SDK1: variants seen among roughly 807,000 people sequenced by gnomAD.
SDK1 encodes sidekick cell adhesion molecule 1, also known as protein sidekick-1.
SDK1 carries 157 observed loss-of-function variants against 245.5 expected under a neutral mutation model. The observed-to-expected ratio is 0.64, with a 90% CI of 0.56 to 0.73. The LOEUF is 0.73. SDK1 is among the 30% of genes least tolerant of loss of function. SDK1 has a pLI of 0.00. For synonymous variants in SDK1, 1,647 were observed against 1,278.5 expected (o/e 1.29, Z -6.15); for missense variants, 3,583 against 3,002.3 (o/e 1.19, Z -4.52).
chr7:3,807,059 A>T (rs911577120), intron 4 of SDK1, among the ~76,000 whole-genome samples: 1 of 152,148 alleles, frequency 6.6e-6, no homozygotes, highest in African/African-American at 2.4e-5. Context: ...TTTTAGATAT[A>T]TCCTAATGTT....
At chr7:4,107,041 G>A (rs1226636209) in intron 22 of SDK1, among the ~76,000 whole-genome samples, 2 of 151,148 alleles carry the variant, frequency 1.3e-5, no homozygotes, top group East Asian at 3.9e-4. Flanking sequence ...TCTAGGCAGA[G>A]CCCCCGCCCA....
At chr7:3,996,723 A>T (rs1334875532) in intron 14 of SDK1, among the ~76,000 whole-genome samples, 2 of 152,202 alleles carry the variant, frequency 1.3e-5, no homozygotes, top group African/African-American at 4.8e-5. Flanking sequence ...TTCTTTTATT[A>T]TTCTAACGAC....
At chr7:4,177,728 C>T (rs1782301912) in intron 34 of SDK1, among the ~76,000 whole-genome samples, 1 of 152,174 alleles carries the variant, frequency 6.6e-6, no homozygotes, top group Non-Finnish European at 1.5e-5. Flanking sequence ...GATTCAAGTG[C>T]ATCCCATTTA....
At chr7:3,946,704 G>A (rs1461559748) in intron 5 of SDK1, among the ~76,000 whole-genome samples, 1 of 152,174 alleles carries the variant, frequency 6.6e-6, no homozygotes, top group African/African-American at 2.4e-5. Flanking sequence ...GAGGACATAT[G>A]CCAAGAATAA....
chr7:4,065,925 A>G (rs574658701), intron 19 of SDK1, among the ~76,000 whole-genome samples: 2 of 151,778 alleles, frequency 1.3e-5, no homozygotes, highest in Non-Finnish European at 2.9e-5. Context: ...GACAACTGAC[A>G]CCCTTGACTT....
At chr7:3,354,849 A>G (rs1274352957) in intron 1 of SDK1, among the ~76,000 whole-genome samples, 2 of 152,230 alleles carry the variant, frequency 1.3e-5, no homozygotes, top group Non-Finnish European at 2.9e-5. Context: ...CAAGGAAACG[A>G]TTGGACTTAA....
At chr7:3,613,782 A>G (rs1041889393) in intron 1 of SDK1, among the ~76,000 whole-genome samples, 3 of 152,064 alleles carry the variant, frequency 2.0e-5, no homozygotes, top group Non-Finnish European at 4.4e-5. Context: ...ACACCATGGA[A>G]TACTACGCAG....
chr7:3,735,122 C>T (rs1583355430), intron 4 of SDK1, among the ~76,000 whole-genome samples: 1 of 151,928 alleles, frequency 6.6e-6, no homozygotes, highest in African/African-American at 2.4e-5. Flanking sequence ...ATTGCTTTTA[C>T]TACATAGCAG....
chr7:4,261,169 C>T (rs1032061905), intron 44 of SDK1, among the ~76,000 whole-genome samples: 2 of 152,172 alleles, frequency 1.3e-5, no homozygotes, highest in African/African-American at 4.8e-5. Context: ...ACCACTCTCA[C>T]AGGGCTCCGG....
Position 4,221,136 on chromosome 7 carries a change from T to C in SDK1, c.5702-103T>C, listed in dbSNP as rs531265359. 4.3e-6 allele frequency: 6 copies of C among 1,404,928 alleles called. No homozygotes were observed. The African/African-American group carries it at 8.5e-5, about 20-fold the overall frequency. 87.0% of individuals were successfully genotyped at this position (1,404,928 alleles called of 1,614,324 possible). The stretch of plus-strand genomic sequence containing the variant: ...GGTTAAGTAACCTGCCCAGACACTC[T>C]GCAGCCTCGACCGGTCTGACCCCCC... On this transcript the variant is annotated intron_variant, in intron 39 of 44. Coordinates refer to ENST00000404826, the MANE Select transcript of SDK1 (RefSeq NM_152744.4).
At chr7:3,495,992 C>A (rs537019660) in intron 1 of SDK1, among the ~76,000 whole-genome samples, 1 of 152,086 alleles carries the variant, frequency 6.6e-6, no homozygotes, top group African/African-American at 2.4e-5. Flanking sequence ...CTCAGTGGCC[C>A]GTCACTATAA....
At chr7:3,408,473 GTTA>G in intron 1 of SDK1, among the ~76,000 whole-genome samples, 1 of 152,218 alleles carries the variant, frequency 6.6e-6, no homozygotes, top group Admixed American at 6.5e-5. Context: ...TTAGACACTG[GTTA>G]TTATTTCTAA....
intron 1 of SDK1, among the ~76,000 whole-genome samples, chr7:3,505,327 G>A (rs1318776906): frequency 2.0e-5 from 3 of 152,050 alleles, no homozygotes; most frequent in African/African-American, 7.2e-5. Context: ...GGTAACTGCA[G>A]CCTCAAACCC....
chr7:3,946,811 G>A (rs1780595535), intron 5 of SDK1, among the ~76,000 whole-genome samples: 1 of 152,192 alleles, frequency 6.6e-6, no homozygotes, highest in African/African-American at 2.4e-5. Context: ...GAAAGGGAAT[G>A]TCTCTGTGTT....
chr7:3,688,748 A>G (rs1784358926), intron 4 of SDK1, among the ~76,000 whole-genome samples: 1 of 152,204 alleles, frequency 6.6e-6, no homozygotes, highest in African/African-American at 2.4e-5. Context: ...GAGGGAAAAT[A>G]CTACAGCGGC....
At chr7:3,484,006 C>T (rs1164236872) in intron 1 of SDK1, among the ~76,000 whole-genome samples, 1 of 152,092 alleles carries the variant, frequency 6.6e-6, no homozygotes, top group African/African-American at 2.4e-5. Flanking sequence ...TGTAATAAAT[C>T]AGGGTAATTG....
chr7:3,471,890 T>A lies in SDK1; in HGVS notation c.299-147190T>A, dbSNP rs143515619. ...TCTCTGAAACAAATATTGAAGTGTT[T>A]TGCATTTGATTTTGAGGAAAGGTTT... is the stretch of plus-strand genomic sequence containing the variant. On this transcript the variant is annotated intron_variant, in intron 1 of 44. Transcript: ENST00000404826. Among the ~76,000 whole-genome samples the A allele has an allele frequency of 1.8e-4, 27 of 152,350 alleles. No homozygotes were observed. In the East Asian group the frequency reaches 5.0e-3, roughly 28 times the overall value.
rs184627580 is a variant in SDK1, at chr7:3,895,131, T to A, written c.848-55792T>A. ...AATAGCACAAAATATTCACCAGGCA[T>A]GGAGGATATCATTGCAGTTCAAGAA... On this transcript the variant is annotated intron_variant, in intron 5 of 44. Transcript: ENST00000404826. Among the ~76,000 whole-genome samples the A allele has an allele frequency of 8.5e-5, 13 of 152,286 alleles. No homozygotes were observed. In the East Asian group the frequency reaches 2.5e-3, roughly 29 times the overall value.
intron 1 of SDK1, among the ~76,000 whole-genome samples, chr7:3,470,172 A>C (rs1422123308): frequency 6.6e-6 from 1 of 152,062 alleles, no homozygotes; most frequent in Non-Finnish European, 1.5e-5. Flanking sequence ...TACATACTAA[A>C]AATTTCCAAG....
Sources: gnomAD v4.1 joint callset for allele counts (sites outside exome capture counted in the v4.1 genomes callset) on GRCh38, gnomAD v4.1.1 for gene constraint, MANE v1.5 for transcripts, NCBI Gene and HGNC (gene_info 2026-07-23, HGNC 2026-07-21) for gene names.